Variants in CALR3 observed in about 807,000 individuals in gnomAD.
CALR3 encodes calreticulin-3.
Under a neutral mutation model 48.7 loss-of-function variants are expected in CALR3, and 39 were observed. That is an observed-to-expected ratio of 0.80 (90% confidence interval 0.62 to 1.05). The LOEUF is 1.05. Among genes scored for constraint, CALR3 ranks in the 50% least tolerant of loss-of-function variants. The probability of loss-of-function intolerance (pLI) is 0.00; values close to 1 mark genes in which losing one functional copy is unlikely to be tolerated. For synonymous variants in CALR3, 185 were observed against 172.7 expected (o/e 1.07, Z -0.56); for missense variants, 449 against 474.7 (o/e 0.95, Z 0.50).
chr19:16,484,472 C>T (rs1482766287), intron 4 of CALR3, among the ~76,000 whole-genome samples: 4 of 151,866 alleles, frequency 2.6e-5, no homozygotes, highest in Non-Finnish European at 4.4e-5. Flanking sequence ...CCACCACGCC[C>T]GGCCAACTCT....
chr19:16,487,659 C>T (rs563189240), intron 3 of CALR3, among the ~76,000 whole-genome samples: 73 of 151,548 alleles, frequency 4.8e-4, no homozygotes, highest in African/African-American at 1.7e-3. Flanking sequence ...TTATTTGAGA[C>T]GGATTTTTGC....
chr19:16,492,810 C>T (rs949403191), intron 2 of CALR3, among the ~76,000 whole-genome samples: 9 of 148,508 alleles, frequency 6.1e-5, no homozygotes, highest in East Asian at 4.0e-4. Context: ...TGCAGTGAGC[C>T]GAGATCGCGC....
chr19:16,492,422 G>A (rs1194715733), intron 2 of CALR3, among the ~76,000 whole-genome samples: 1 of 151,900 alleles, frequency 6.6e-6, no homozygotes, highest in Non-Finnish European at 1.5e-5. Context: ...GGGTGGCAGG[G>A]CGAAACTCCG....
At chr19:16,489,062 T>C (rs79463725) in intron 3 of CALR3, among the ~76,000 whole-genome samples, 4,093 of 152,366 alleles carry the variant, frequency 0.027, 141 homozygotes, top group Admixed American at 0.084. Context: ...TCACAAAATA[T>C]CATCTTGTAT....
chr19:16,482,754 G>A lies in CALR3; in HGVS notation c.710C>T (p.Thr237Ile), dbSNP rs1329331101. The A allele has an allele frequency of 1.9e-6, 3 of 1,613,706 alleles. No homozygotes were observed. Among genetic ancestry groups the A allele is most frequent in the Non-Finnish European group, 2.5e-6 (3 of 1,179,926 alleles). The change falls in exon 6 of 9, where the codon ACC becomes ATC. Residue 237 changes from threonine (T) to isoleucine (I), a missense_variant. Thr to Ile is a moderately conservative substitution (Grantham distance 89, BLOSUM62 -1). Transcript: ENST00000269881. ...DWEKHFLDAS[T>I]SKQSDWNGDL... Reference sequence around the variant, plus strand: ...ACCGTTCCAGTCGCTCTGCTTGCTGGTGCTGGCGTCCAGAAAATGCTTCTC... The same window carrying A: ...ACCGTTCCAGTCGCTCTGCTTGCTGATGCTGGCGTCCAGAAAATGCTTCTC...
intron 2 of CALR3, among the ~76,000 whole-genome samples, chr19:16,494,164 G>A (rs2093402162): frequency 6.6e-6 from 1 of 152,086 alleles, no homozygotes; most frequent in Non-Finnish European, 1.5e-5. Flanking sequence ...GGGTACAAAC[G>A]ATTCTTCTGC....
chr19:16,487,925 T>G (rs1168598605), intron 3 of CALR3, among the ~76,000 whole-genome samples: 2 of 152,010 alleles, frequency 1.3e-5, no homozygotes, highest in African/African-American at 4.8e-5. Flanking sequence ...GCCATTCTCC[T>G]GCCTCAGCCT....
Position 16,485,174 on chromosome 19 carries a change from T to A in CALR3, c.481A>T (p.Ile161Phe). The A allele has an allele frequency of 6.3e-7, 1 of 1,598,786 alleles. No homozygotes were observed. Among genetic ancestry groups the A allele is most frequent in the Non-Finnish European group, 8.6e-7 (1 of 1,166,206 alleles). ...KNKYHENKKL[I>F]RCKVDGFTHL... ...ACAAGAGCAGTTACCTTACACCTGA[T>A]CAGTTTCTTGTTTTCGTGATACTTA... is the stretch of plus-strand genomic sequence containing the variant. Residue 161 changes from isoleucine to phenylalanine, a missense_variant, in exon 4 of 9, where the codon ATC (isoleucine) becomes TTC (phenylalanine). Coordinates refer to ENST00000269881, the MANE Select transcript of CALR3 (RefSeq NM_145046.5).
rs773363847 is a variant in CALR3, at chr19:16,482,710, G to A, written c.754C>T (p.Pro252Ser). Residue 252 changes from proline (P) to serine (S), a missense_variant, in exon 6 of 9, where the codon CCA becomes TCA. Physicochemically the swap from Pro to Ser is moderately conservative, Grantham distance 74. Transcript: ENST00000269881. ...GGGGGCTTCTGGAGCATCGGCGCTG[G>A]CCAGTCCCCATCCAGGTCACCGTTC... ...DWNGDLDGDW[P>S]APMLQKPPYQ... 3.1e-6 allele frequency: 5 copies of A among 1,613,918 alleles called. No individual in the cohort carries two copies. The African/African-American group carries it at 6.7e-5, about 22-fold the overall frequency.
At chr19:16,495,679 G>T in intron 2 of CALR3, 72 bp downstream of exon 2, 1 of 1,209,544 alleles carries the variant, frequency 8.3e-7, no homozygotes, top group Non-Finnish European at 1.2e-6. Context: ...TTTTGGCTGT[G>T]CCACAACTAC....
rs780394746 is a variant in CALR3 at position 16,490,540 on chromosome 19, T to A, written c.224A>T (p.Tyr75Phe). Residue 75 changes from tyrosine to phenylalanine, a missense_variant, in exon 3 of 9, where the codon TAT (tyrosine) becomes TTT (phenylalanine). Coordinates refer to ENST00000269881, the MANE Select transcript of CALR3 (RefSeq NM_145046.5). ...CGGTTTGAAGCGTGCAGAGATGGCA[T>A]AGAATCGGCCATTCTGAGTGGTTTG... Reference protein sequence around the residue: ...GLQTTQNGRFYAISARFKPFS... With the variant: ...GLQTTQNGRFFAISARFKPFS... The A allele has an allele frequency of 1.1e-5, 18 of 1,614,048 alleles. No homozygotes were observed. The highest frequency in any genetic ancestry group is 1.5e-5 in the Non-Finnish European group (18 of 1,180,040).
At chr19:16,480,466 C>A (rs888465698) in intron 8 of CALR3, 148 bp downstream of exon 8, 3 of 641,936 alleles carry the variant, frequency 4.7e-6, no homozygotes, top group Admixed American at 2.3e-5. Context: ...GCAGGAGAAT[C>A]GCTTGAACCC....
chr19:16,489,253 G>C (rs1194484241), intron 3 of CALR3, among the ~76,000 whole-genome samples: 1 of 152,228 alleles, frequency 6.6e-6, no homozygotes, highest in African/African-American at 2.4e-5. Context: ...GGAAGGCCAA[G>C]GTGGGTGGAT....
At chr19:16,487,494 A>AAC (rs1255891952) in intron 3 of CALR3, among the ~76,000 whole-genome samples, 3 of 151,434 alleles carry the variant, frequency 2.0e-5, no homozygotes, top group Admixed American at 6.6e-5. Flanking sequence ...AAAAAAAAAA[A>AAC]AAAACATTTT....
Position 16,483,931 on chromosome 19 carries a change from T to G in CALR3, c.677A>C (p.Gln226Pro). The G allele has an allele frequency of 6.2e-7, 1 of 1,613,900 alleles. No individual in the cohort carries two copies. Among genetic ancestry groups the G allele is most frequent in the Non-Finnish European group, 8.5e-7 (1 of 1,179,916 alleles). Residue 226 changes from glutamine to proline, a missense_variant and splice_region_variant, in exon 5 of 9, where the codon CAG becomes CCG. Coordinates refer to ENST00000269881, the MANE Select transcript of CALR3 (RefSeq NM_145046.5). ...DWEQTKDNKAQDWEKHFLDAS... is the reference protein window; with the variant it reads ...DWEQTKDNKAPDWEKHFLDAS... ...GAGTTGCCCAGGAAAAATTCACACC[T>G]GGGCTTTGTTGTCTTTAGTCTGTTC...
intron 8 of CALR3, among the ~76,000 whole-genome samples, chr19:16,480,369 T>C (rs968724979): frequency 2.6e-5 from 4 of 151,540 alleles, no homozygotes; most frequent in African/African-American, 7.3e-5. Flanking sequence ...CTGAACAATA[T>C]GGTGAAACCC....
chr19:16,479,361 G>A (rs1048186681), intron 8 of CALR3, 87 bp from the exon 9 acceptor site: 297 of 1,421,634 alleles, frequency 2.1e-4, no homozygotes, highest in Non-Finnish European at 2.8e-4. Context: ...CGAGGCAGAT[G>A]GATCACGAAG....
intron 4 of CALR3, among the ~76,000 whole-genome samples, 185 bp downstream of exon 4, chr19:16,484,978 T>C (rs2093387076): frequency 6.6e-6 from 1 of 152,126 alleles, no homozygotes; most frequent in East Asian, 1.9e-4. Context: ...GGTAAAAACT[T>C]CAGGAAACCA....
rs1373738523 is a variant in CALR3, at chr19:16,495,816, T to C, written c.128A>G (p.Asp43Gly). ...AAGTCTAAAATGCCCAAATCGGGAG[T>C]CATTGGTGGACTGCAACCATCGGTT... ...WRNRWLQSTN[D>G]SRFGHFRLSS... The change falls in exon 2 of 9, where the codon GAC becomes GGC. Residue 43 changes from aspartate to glycine, a missense_variant. By Grantham distance (94) the Asp-to-Gly change is moderately conservative. Coordinates refer to ENST00000269881, the MANE Select transcript of CALR3 (RefSeq NM_145046.5). 3 of 1,613,826 alleles carry C rather than the reference T, an allele frequency of 1.9e-6. No individual in the cohort carries two copies. Among genetic ancestry groups the C allele is most frequent in the African/African-American group, 2.7e-5 (2 of 74,868 alleles).
Sources: allele counts gnomAD v4.1 joint callset (sites outside exome capture counted in the v4.1 genomes callset), GRCh38; gene constraint gnomAD v4.1.1; transcripts MANE v1.5; gene names NCBI Gene and HGNC (gene_info 2026-07-23, HGNC 2026-07-21).